CLEC16A: variants seen among roughly 807,000 people sequenced by gnomAD.
CLEC16A encodes the protein protein CLEC16A.
Under a neutral mutation model 109.5 loss-of-function variants are expected in CLEC16A, and 51 were observed. The observed-to-expected ratio is 0.47, with a 90% CI of 0.37 to 0.59. The LOEUF is 0.59. CLEC16A is among the 20% of genes least tolerant of loss of function. The probability of loss-of-function intolerance (pLI) is 0.00; values close to 1 mark genes in which losing one functional copy is unlikely to be tolerated. For synonymous variants in CLEC16A, 673 were observed against 564.2 expected (o/e 1.19, Z -2.73); for missense variants, 1,339 against 1,394.0 (o/e 0.96, Z 0.63).
intron 22 of CLEC16A, among the ~76,000 whole-genome samples, chr16:11,165,012 A>G (rs1451915926): frequency 6.6e-6 from 1 of 152,054 alleles, no homozygotes; most frequent in Non-Finnish European, 1.5e-5. Context: ...CCCCTCTCTC[A>G]GCTGGAAGGA....
rs1368697191 is a variant in CLEC16A at position 11,180,145 on chromosome 16, G to A, written c.*1455G>A. 7 of 152,278 alleles carry A rather than the reference G, an allele frequency of 4.6e-5. No individual in the cohort carries two copies. Among genetic ancestry groups the A allele is most frequent in the Non-Finnish European group, 1.5e-5 (1 of 68,086 alleles). The allele number at this position is 152,278 out of a possible 1,614,324, so 9.4% of individuals were successfully genotyped here. ...AGGGTAGTCTCGGGAGCCGCGCTGA[G>A]ATCTTTTGCCACCTGCATTTTAGAA... On this transcript the variant is annotated 3_prime_UTR_variant, in exon 24 of 24. Coordinates refer to ENST00000409790, the MANE Select transcript of CLEC16A (RefSeq NM_015226.3).
At chr16:11,069,290 G>C (rs1013926548) in intron 19 of CLEC16A, among the ~76,000 whole-genome samples, 2 of 151,918 alleles carry the variant, frequency 1.3e-5, no homozygotes, top group Admixed American at 1.3e-4. Context: ...ACCACACCCG[G>C]CTGAGATTTT....
intron 18 of CLEC16A, among the ~76,000 whole-genome samples, chr16:11,058,355 C>T (rs892540211): frequency 2.0e-5 from 3 of 152,160 alleles, no homozygotes; most frequent in Non-Finnish European, 4.4e-5. Flanking sequence ...ATATAAACGG[C>T]GTAGTGTTTG....
At chr16:11,142,013 A>T (rs2053854795) in intron 22 of CLEC16A, among the ~76,000 whole-genome samples, 1 of 152,102 alleles carries the variant, frequency 6.6e-6, no homozygotes. Context: ...GGCACTGGGG[A>T]TGTCTGACAG....
intron 19 of CLEC16A, among the ~76,000 whole-genome samples, chr16:11,108,188 T>C (rs1342229009): frequency 1.3e-5 from 2 of 152,256 alleles, no homozygotes; most frequent in African/African-American, 4.8e-5. Context: ...TCTTGCTAAC[T>C]GATGGATTCT....
At chr16:11,094,658 T>C (rs1283246025) in intron 19 of CLEC16A, among the ~76,000 whole-genome samples, 1 of 152,270 alleles carries the variant, frequency 6.6e-6, no homozygotes, top group Non-Finnish European at 1.5e-5. Flanking sequence ...CCTTTTTTCC[T>C]GTGGGGCCCT....
chr16:10,957,977 A>G (rs1334910575), intron 2 of CLEC16A, 67 bp downstream of exon 2: 6 of 1,491,328 alleles, frequency 4.0e-6, no homozygotes, highest in South Asian at 2.3e-5. Flanking sequence ...AATGTATACT[A>G]TGAGTCATTC....
intron 22 of CLEC16A, among the ~76,000 whole-genome samples, chr16:11,164,795 C>T (rs1454589282): frequency 6.6e-6 from 1 of 152,210 alleles, no homozygotes; most frequent in Non-Finnish European, 1.5e-5. Flanking sequence ...AGGATGCCAA[C>T]CCCTGCTAAC....
In CLEC16A at chr16:11,039,810, A is replaced by C. The variant is rs761570352; in HGVS notation, c.1594A>C (p.Lys532Gln). Reference protein sequence around the residue: ...IQLPVPNAAEKTTYNHPLAER... With the variant: ...IQLPVPNAAEQTTYNHPLAER... The stretch of plus-strand genomic sequence containing the variant: ...GCTCCCCGTGCCAAATGCGGCCGAG[A>C]AGACCACCTACAACCACCCGCTAGC... The change falls in exon 14 of 24, where the codon AAG (lysine) becomes CAG (glutamine). Residue 532 changes from lysine (K) to glutamine (Q), a missense_variant. Physicochemically the swap from Lys to Gln is moderately conservative, Grantham distance 53. Around this residue, in one of 3 missense-constraint regions of CLEC16A, gnomAD observed 1,061 missense variants for 1,006.8 expected, o/e 1.05. Coordinates refer to ENST00000409790, the MANE Select transcript of CLEC16A (RefSeq NM_015226.3). The C allele has an allele frequency of 8.7e-6, 14 of 1,611,284 alleles. No individual in the cohort carries two copies. The Admixed American group carries it at 2.3e-4, about 27-fold the overall frequency.
At chr16:11,060,858 C>G in intron 18 of CLEC16A, 44 bp from the exon 19 acceptor site, 1 of 1,530,602 alleles carries the variant, frequency 6.5e-7, no homozygotes, top group Non-Finnish European at 8.8e-7. Context: ...ACTGAAATGA[C>G]TCTGCAATCT....
rs372639495 is a variant in CLEC16A at position 11,005,229 on chromosome 16, A to G, written c.1303+1924A>G. On this transcript the variant is annotated intron_variant, in intron 11 of 23. Coordinates refer to ENST00000409790, the MANE Select transcript of CLEC16A (RefSeq NM_015226.3). Reference sequence around the variant, plus strand: ...GTCAGCCAGCCAGCCCAGTCCTGGCACACAGGGGCTTCAGGCCAGTTCTGC... The same window carrying G: ...GTCAGCCAGCCAGCCCAGTCCTGGCGCACAGGGGCTTCAGGCCAGTTCTGC... Among the ~76,000 whole-genome samples the G allele has an allele frequency of 1.1e-4, 16 of 152,360 alleles. No individual in the cohort carries two copies. The East Asian group carries it at 2.7e-3, about 26-fold the overall frequency.
chr16:11,163,912 C>T (rs1442041642), intron 22 of CLEC16A, among the ~76,000 whole-genome samples: 5 of 152,100 alleles, frequency 3.3e-5, no homozygotes, highest in African/African-American at 1.2e-4. Context: ...AATTCATTTT[C>T]GAGGCAAGTA....
intron 22 of CLEC16A, among the ~76,000 whole-genome samples, chr16:11,153,155 T>G (rs2054362252): frequency 6.6e-6 from 1 of 152,142 alleles, no homozygotes; most frequent in Non-Finnish European, 1.5e-5. Flanking sequence ...CTGTGTTTGT[T>G]TGCCAGTTAC....
At chr16:11,052,233 C>T (rs372593292) in intron 18 of CLEC16A, among the ~76,000 whole-genome samples, 1 of 152,150 alleles carries the variant, frequency 6.6e-6, no homozygotes, top group Non-Finnish European at 1.5e-5. Flanking sequence ...TATTTTATCT[C>T]CCGGGTAAGA....
chr16:11,164,192 A>G (rs1411821021), intron 22 of CLEC16A, among the ~76,000 whole-genome samples: 1 of 152,156 alleles, frequency 6.6e-6, no homozygotes, highest in Non-Finnish European at 1.5e-5. Context: ...GCGGGCAGGA[A>G]ATACCCTCCA....
chr16:10,965,168 G>C (rs901547107), intron 3 of CLEC16A, among the ~76,000 whole-genome samples: 4 of 152,096 alleles, frequency 2.6e-5, no homozygotes, highest in African/African-American at 4.8e-5. Flanking sequence ...CACCGAAAAG[G>C]GTGCCCTGCT....
At chr16:11,168,501 G>C (rs981443089) in intron 23 of CLEC16A, among the ~76,000 whole-genome samples, 26 of 152,248 alleles carry the variant, frequency 1.7e-4, no homozygotes, top group Admixed American at 1.7e-3. Flanking sequence ...GGCCCAGCCT[G>C]CCTGTCTGGC....
chr16:11,007,187 C>G (rs1238620461), intron 11 of CLEC16A, among the ~76,000 whole-genome samples: 1 of 152,164 alleles, frequency 6.6e-6, no homozygotes. Context: ...TGCCCGGACT[C>G]ACCTTCAAAG....
At chr16:11,152,260 C>T (rs2054320585) in intron 22 of CLEC16A, among the ~76,000 whole-genome samples, 1 of 152,206 alleles carries the variant, frequency 6.6e-6, no homozygotes, top group East Asian at 1.9e-4. Flanking sequence ...CAGCTAAAAG[C>T]CCAGGAAAAA....
Sources: allele counts gnomAD v4.1 joint callset (sites outside exome capture counted in the v4.1 genomes callset), GRCh38; gene constraint gnomAD v4.1.1; regional missense constraint gnomAD v4.1.1; transcripts MANE v1.5; gene names NCBI Gene and HGNC (gene_info 2026-07-23, HGNC 2026-07-21).